Variants in AGBL1 observed in about 807,000 individuals in gnomAD.
AGBL1 encodes cytosolic carboxypeptidase 4.
Under a neutral mutation model 118.9 loss-of-function variants are expected in AGBL1, and 130 were observed. The observed-to-expected ratio is 1.09, with a 90% confidence interval of 0.95 to 1.26. The LOEUF is 1.26. Among genes scored for constraint, AGBL1 ranks in the 50% most tolerant of loss-of-function variants. AGBL1 has a pLI of 0.00. For missense variants in AGBL1, 1,584 were observed against 1,298.1 expected (o/e 1.22, Z -3.38); for synonymous variants, 555 against 478.9 (o/e 1.16, Z -2.08).
chr15:86,669,675 T>C (rs2085706732), intron 21 of AGBL1, among the ~76,000 whole-genome samples: 1 of 152,212 alleles, frequency 6.6e-6, no homozygotes, highest in African/African-American at 2.4e-5. Context: ...TTTGTAGGCA[T>C]ATATAACTTT....
intron 17 of AGBL1, among the ~76,000 whole-genome samples, chr15:86,344,808 T>C (rs1044656889): frequency 6.6e-6 from 1 of 152,102 alleles, no homozygotes; most frequent in Non-Finnish European, 1.5e-5. Flanking sequence ...AAATGTAGGC[T>C]CTTTCTGGAG....
intron 23 of AGBL1, chr15:86,939,876 C>T (rs1330246467): frequency 1.3e-5 from 2 of 151,020 alleles, no homozygotes; most frequent in Non-Finnish European, 2.9e-5. Flanking sequence ...TACGCTGTTT[C>T]TTTTTTTATT....
intron 4 of AGBL1, among the ~76,000 whole-genome samples, chr15:86,155,957 T>C (rs944082230): frequency 2.6e-5 from 4 of 152,210 alleles, no homozygotes; most frequent in African/African-American, 9.7e-5. Context: ...AGTCTCACTC[T>C]TTTGCCTAGG....
chr15:86,650,171 C>T (rs1293010243), intron 21 of AGBL1, among the ~76,000 whole-genome samples: 2 of 152,184 alleles, frequency 1.3e-5, no homozygotes, highest in Non-Finnish European at 2.9e-5. Context: ...ACTCTCTTCT[C>T]CCATTCTTCA....
At chr15:86,166,667 G>A (rs1329159083) in intron 5 of AGBL1, among the ~76,000 whole-genome samples, 1 of 152,148 alleles carries the variant, frequency 6.6e-6, no homozygotes, top group Non-Finnish European at 1.5e-5. Context: ...TCCTGCGTGT[G>A]GGTTGTCCTG....
At chr15:86,372,046 T>C (rs1052873746) in intron 17 of AGBL1, among the ~76,000 whole-genome samples, 1 of 152,332 alleles carries the variant, frequency 6.6e-6, no homozygotes, top group East Asian at 1.9e-4. Flanking sequence ...GCAGTGCTAA[T>C]GGACCCATAG....
chr15:86,160,919 C>T (rs985429493), intron 5 of AGBL1, among the ~76,000 whole-genome samples: 2 of 152,122 alleles, frequency 1.3e-5, no homozygotes, highest in South Asian at 2.1e-4. Context: ...TATTGTCTTC[C>T]TCATTCAGGC....
At chr15:86,619,928 T>C (rs2084780935) in intron 21 of AGBL1, among the ~76,000 whole-genome samples, 1 of 152,220 alleles carries the variant, frequency 6.6e-6, no homozygotes, top group African/African-American at 2.4e-5. Flanking sequence ...TCCTGGATAT[T>C]CCTATAACAG....
chr15:86,742,746 C>T (rs969504260), intron 22 of AGBL1, among the ~76,000 whole-genome samples: 2 of 152,108 alleles, frequency 1.3e-5, no homozygotes, highest in Admixed American at 1.3e-4. Flanking sequence ...CTATTCATTC[C>T]TCTGATAGAA....
Position 86,295,365 on chromosome 15 carries a change from G to A in AGBL1, c.2331G>A (p.Thr777=), listed in dbSNP as rs1222187249. The change falls in exon 17 of 23, where the codon ACG becomes ACA. Residue 777 remains threonine (T), a synonymous_variant. Coordinates refer to ENST00000614907, the MANE Select transcript of AGBL1 (RefSeq NM_001386094.1). The part of the protein sequence containing the change: ...GGNPCPLVTI[T]AMPESNSDEH... ...ATCCGTGTCCCTTGGTGACCATCAC[G>A]GCCATGCCTGAGTCCAACAGTGATG... 9 of 1,609,232 alleles carry A rather than the reference G, an allele frequency of 5.6e-6. No homozygotes were observed. Among genetic ancestry groups the A allele is most frequent in the East Asian group, 4.5e-5 (2 of 44,832 alleles).
chr15:86,688,308 A>G (rs2142591690), intron 22 of AGBL1, among the ~76,000 whole-genome samples: 1 of 152,180 alleles, frequency 6.6e-6, no homozygotes, highest in South Asian at 2.1e-4. Context: ...AAAGAAGGGA[A>G]GGAGGAGACT....
intron 21 of AGBL1, among the ~76,000 whole-genome samples, chr15:86,641,492 C>A (rs1472222771): frequency 6.6e-6 from 1 of 151,880 alleles, no homozygotes; most frequent in East Asian, 1.9e-4. Context: ...TTTATTTCCC[C>A]AAGTTAACCA....
At chr15:86,081,466 G>T (rs753330533) in intron 1 of AGBL1, among the ~76,000 whole-genome samples, 2 of 152,204 alleles carry the variant, frequency 1.3e-5, no homozygotes, top group African/African-American at 2.4e-5. Context: ...ATGTCAAATG[G>T]CTACATAGTA....
intron 23 of AGBL1, among the ~76,000 whole-genome samples, chr15:86,959,903 G>T (rs563503530): frequency 1.3e-5 from 2 of 151,996 alleles, no homozygotes; most frequent in Non-Finnish European, 2.9e-5. Context: ...CAGCCACATT[G>T]GATCTTTATT....
intron 21 of AGBL1, among the ~76,000 whole-genome samples, chr15:86,638,020 G>C (rs941420710): frequency 1.6e-4 from 24 of 152,082 alleles, no homozygotes; most frequent in African/African-American, 5.6e-4. Flanking sequence ...CTTCCTGATA[G>C]GACCTCAGAG....
At chr15:86,458,265 ATAAC>A (rs1387010890) in intron 18 of AGBL1, among the ~76,000 whole-genome samples, 1 of 152,138 alleles carries the variant, frequency 6.6e-6, no homozygotes, top group Non-Finnish European at 1.5e-5. Context: ...CAAAATAAAA[ATAAC>A]TATAATAATT....
Position 86,397,524 on chromosome 15 carries a change from C to G in AGBL1, c.2533C>G (p.Pro845Ala). ...FIFKIIPMLN[P>A]DGVINGNHRC... ...CTTCAAGATCATACCCATGCTCAACCCAGATGGTGTCATCAACGGCAAGTA... is the reference window on the plus strand; with the variant it reads ...CTTCAAGATCATACCCATGCTCAACGCAGATGGTGTCATCAACGGCAAGTA... The change falls in exon 18 of 23, where the codon CCA (proline) becomes GCA (alanine). Residue 845 changes from proline (P) to alanine (A), a missense_variant. By Grantham distance (27) the Pro-to-Ala change is conservative. Transcript: ENST00000614907. 2 of 1,610,306 alleles carry G rather than the reference C, an allele frequency of 1.2e-6. No homozygotes were observed. Among genetic ancestry groups the G allele is most frequent in the Non-Finnish European group, 1.7e-6 (2 of 1,178,262 alleles).
intron 19 of AGBL1, among the ~76,000 whole-genome samples, chr15:86,525,418 A>C (rs971584049): frequency 6.6e-6 from 1 of 152,130 alleles, no homozygotes; most frequent in African/African-American, 2.4e-5. Context: ...ATATGGAACC[A>C]AAAAATAGCT....
chr15:86,111,242 A>G (rs1164438865), intron 1 of AGBL1, among the ~76,000 whole-genome samples: 1 of 152,114 alleles, frequency 6.6e-6, no homozygotes, highest in African/African-American at 2.4e-5. Flanking sequence ...CTCTCCTTTG[A>G]TGGATGGACT....
Sources: gnomAD v4.1 joint callset for allele counts (sites outside exome capture counted in the v4.1 genomes callset) on GRCh38, gnomAD v4.1.1 for gene constraint, MANE v1.5 for transcripts, NCBI Gene and HGNC (gene_info 2026-07-23, HGNC 2026-07-21) for gene names.